The following UBA52 variants were observed in gnomAD, a reference collection of about 807,000 sequenced individuals.
UBA52 encodes the protein ubiquitin-ribosomal protein eL40 fusion protein.
In UBA52, 1 loss-of-function variant was observed where a neutral mutation model predicts 15.3. The ratio of observed to expected loss-of-function variants is 0.07; its 90% CI spans 0.02 to 0.31. The LOEUF is 0.31. Among genes scored for constraint, UBA52 ranks in the 10% least tolerant of loss-of-function variants. The pLI is 1.00. For synonymous variants in UBA52, 50 were observed against 58.3 expected (o/e 0.86, Z 0.65); for missense variants, 87 against 168.0 (o/e 0.52, Z 2.66).
upstream of UBA52, among the ~76,000 whole-genome samples, chr19:18,568,226 C>G (rs1213312863): frequency 6.7e-6 from 1 of 149,610 alleles, no homozygotes; most frequent in Non-Finnish European, 1.5e-5. Context: ...GAGATTATAC[C>G]ATTGCACTCT....
rs1600618414 is a variant in UBA52, at chr19:18,573,296, C to G, written c.-5C>G. 1.2e-6 allele frequency: 2 copies of G among 1,614,122 alleles called. No individual in the cohort carries two copies. The highest frequency in any genetic ancestry group is 4.5e-5 in the East Asian group (2 of 44,884). On this transcript the variant is annotated 5_prime_UTR_variant, in exon 2 of 5. Coordinates refer to ENST00000442744, the MANE Select transcript of UBA52 (RefSeq NM_001033930.3). ...CCTGCCTCCCTTCCTCCTGCAGACG[C>G]AAACATGCAGATCTTTGTGAAGACC... is the stretch of plus-strand genomic sequence containing the variant.
At chr19:18,566,703 C>T in the UBA52 span, among the ~76,000 whole-genome samples, 1 of 150,204 alleles carries the variant, frequency 6.7e-6, no homozygotes, top group Admixed American at 6.7e-5. Context: ...TGAGGGAGGA[C>T]AATCATGTGA....
upstream of UBA52, among the ~76,000 whole-genome samples, chr19:18,570,744 AT>A (rs1301235298): frequency 6.9e-6 from 1 of 144,584 alleles, no homozygotes; most frequent in African/African-American, 2.6e-5. Flanking sequence ...CTGTAGTGCA[AT>A]GGCACTCTCT....
At chr19:18,570,470 G>A (rs1975439696), upstream of UBA52, among the ~76,000 whole-genome samples, 1 of 150,330 alleles carries the variant, frequency 6.7e-6, no homozygotes. Flanking sequence ...CCAAAGTGCT[G>A]GGATTACAAG....
chr19:18,573,804 G>A, intron 3 of UBA52, 56 bp downstream of exon 3: 1 of 1,530,388 alleles, frequency 6.5e-7, no homozygotes, highest in Non-Finnish European at 9.0e-7. Context: ...CCTAGGAAAG[G>A]AGCATTGATG....
chr19:18,570,699 T>C (rs1975450005), upstream of UBA52, among the ~76,000 whole-genome samples: 1 of 150,744 alleles, frequency 6.6e-6, no homozygotes, highest in African/African-American at 2.4e-5. Flanking sequence ...TTTTTTTTTC[T>C]TTTTTGAGAC....
At chr19:18,568,292 T>A, upstream of UBA52, 4 of 708,500 alleles carry the variant, frequency 5.6e-6, no homozygotes, top group Non-Finnish European at 9.7e-6. Context: ...AAGGGTCAAG[T>A]CATACCCCCA....
At position 18,576,452 on chromosome 19, in the gene UBA52, AC is replaced by A. The variant is rs1975787161; in HGVS notation, c.*1305del. 2 of 152,244 alleles carry A rather than the reference AC, an allele frequency of 1.3e-5. No individual in the cohort carries two copies. Among genetic ancestry groups the A allele is most frequent in the Non-Finnish European group, 2.9e-5 (2 of 68,044 alleles). 9.4% of individuals were successfully genotyped at this position (152,244 alleles called of 1,614,324 possible). On this transcript the variant is annotated 3_prime_UTR_variant, in exon 5 of 5. Coordinates refer to ENST00000442744, the MANE Select transcript of UBA52 (RefSeq NM_001033930.3). ...AAAATTTTGAGACAGTCTCACTGTC[AC>A]CCAGGTTGGGGTGCAGTGGTAGGAT...
At chr19:18,568,336 C>T (rs1017681738), upstream of UBA52, 4 of 1,209,994 alleles carry the variant, frequency 3.3e-6, no homozygotes, top group African/African-American at 1.5e-5. Flanking sequence ...GTCACATGGA[C>T]AATAAGTCCT....
upstream of UBA52, among the ~76,000 whole-genome samples, chr19:18,570,687 ATT>A (rs930596715): frequency 8.2e-6 from 1 of 121,386 alleles, no homozygotes; most frequent in African/African-American, 3.2e-5. Context: ...AATTTTTGTA[ATT>A]TTTTTTTTCT....
upstream of UBA52, chr19:18,567,312 TG>T: frequency 2.2e-6 from 2 of 902,188 alleles, no homozygotes; most frequent in Non-Finnish European, 3.6e-6. Context: ...AAACCTGGGG[TG>T]GGGGCAGGGT....
chr19:18,568,755 A>AG, upstream of UBA52: 1 of 691,616 alleles, frequency 1.4e-6, no homozygotes, highest in Non-Finnish European at 2.4e-6. Context: ...CAGGGCTCCT[A>AG]GGGGGACAAG....
chr19:18,572,895 T>C, intron 1 of UBA52: 12 of 1,085,720 alleles, frequency 1.1e-5, no homozygotes, highest in Non-Finnish European at 1.4e-5. Flanking sequence ...GATCAGGACC[T>C]GGCTGCCGTG....
chr19:18,566,344 T>G, the UBA52 span, among the ~76,000 whole-genome samples: 1 of 151,924 alleles, frequency 6.6e-6, no homozygotes, highest in Non-Finnish European at 1.5e-5. Flanking sequence ...GGTGGGCGTC[T>G]GTATTGCCAG....
upstream of UBA52, among the ~76,000 whole-genome samples, chr19:18,570,205 T>G (rs532754729): frequency 5.2e-4 from 79 of 151,790 alleles, no homozygotes; most frequent in Admixed American, 2.1e-3. Context: ...GCACTTTTTT[T>G]TTTTGTTTTG....
chr19:18,564,764 A>T, the UBA52 span: 2 of 1,286,440 alleles, frequency 1.6e-6, no homozygotes, highest in East Asian at 4.6e-5. Flanking sequence ...AGCCCATGCA[A>T]AGGTTGTGAA....
intron 1 of UBA52, chr19:18,572,653 CTT>C: frequency 2.7e-6 from 1 of 368,038 alleles, no homozygotes; most frequent in Non-Finnish European, 3.8e-6. Flanking sequence ...TTTAAGTCAA[CTT>C]TTATATGTGA....
At position 18,575,269 on chromosome 19, in the gene UBA52, G is replaced by A. The variant is rs745938454; in HGVS notation, c.*119G>A. Reference sequence around the variant, plus strand: ...GGTGTCCTCATGGCTGATCTGTCCAGGGAGGTGGCTGAAGAGTGGGCATCT... The same window carrying A: ...GGTGTCCTCATGGCTGATCTGTCCAAGGAGGTGGCTGAAGAGTGGGCATCT... On this transcript the variant is annotated 3_prime_UTR_variant, in exon 5 of 5. Coordinates refer to ENST00000442744, the MANE Select transcript of UBA52 (RefSeq NM_001033930.3). The A allele has an allele frequency of 7.1e-6, 9 of 1,262,224 alleles. No homozygotes were observed. The highest frequency in any genetic ancestry group is 8.9e-6 in the Non-Finnish European group (8 of 898,976). 78.2% of individuals were successfully genotyped at this position (1,262,224 alleles called of 1,614,324 possible).
At chr19:18,573,053 G>A (rs976523660) in intron 1 of UBA52, 2 of 1,325,516 alleles carry the variant, frequency 1.5e-6, no homozygotes, top group Admixed American at 3.1e-5. Flanking sequence ...GCACCCGTGC[G>A]GTCAGGAGGG....
Sources: allele counts gnomAD v4.1 joint callset (sites outside exome capture counted in the v4.1 genomes callset), GRCh38; gene constraint gnomAD v4.1.1; transcripts MANE v1.5; gene names NCBI Gene and HGNC (gene_info 2026-07-23, HGNC 2026-07-21).